Variants in DRC5 observed in about 807,000 individuals in gnomAD.
The protein encoded by DRC5 is dynein regulatory complex subunit 5, also known as T-complex-associated testis-expressed protein 1.
the DRC5 span, chr6:44,287,647 C>G: frequency 6.2e-7 from 1 of 1,614,100 alleles, no homozygotes; most frequent in Non-Finnish European, 8.5e-7. Context: ...CCGGCGCATC[C>G]GACGGATATT....
the DRC5 span, among the ~76,000 whole-genome samples, chr6:44,282,764 A>C: frequency 2.7e-5 from 4 of 149,584 alleles, no homozygotes; most frequent in African/African-American, 4.9e-5. Flanking sequence ...CAATTACTAC[A>C]TGCTGGGTAT....
chr6:44,279,428 C>T, the DRC5 span: 2 of 152,188 alleles, frequency 1.3e-5, no homozygotes. Flanking sequence ...ATAATAAAGT[C>T]GTGGATGACT....
the DRC5 span, chr6:44,280,178 A>G: frequency 9.3e-6 from 15 of 1,613,210 alleles, no homozygotes; most frequent in East Asian, 2.2e-5. Flanking sequence ...AAGTCAGGTC[A>G]TTTTATCCCA....
At chr6:44,288,719 C>A in the DRC5 span, among the ~76,000 whole-genome samples, 1 of 152,058 alleles carries the variant, frequency 6.6e-6, no homozygotes, top group Non-Finnish European at 1.5e-5. Flanking sequence ...CAAGGCTGGG[C>A]GTGGTGGCTC....
chr6:44,285,390 T>G, the DRC5 span, among the ~76,000 whole-genome samples: 1 of 152,234 alleles, frequency 6.6e-6, no homozygotes, highest in Non-Finnish European at 1.5e-5. Context: ...GCTGTTTATC[T>G]GAAATTCAAA....
chr6:44,286,237 G>T, the DRC5 span: 1 of 1,612,482 alleles, frequency 6.2e-7, no homozygotes, highest in Non-Finnish European at 8.5e-7. Context: ...GATCGACGTG[G>T]ACCCTGCGCA....
chr6:44,287,706 A>C, the DRC5 span: 1 of 1,614,162 alleles, frequency 6.2e-7, no homozygotes. Context: ...GTGTGATTGA[A>C]GGCTTTGAGA....
chr6:44,280,091 C>T, the DRC5 span: 1 of 1,196,226 alleles, frequency 8.4e-7, no homozygotes. Flanking sequence ...CCTCCCCGCT[C>T]CCTCTGAACC....
the DRC5 span, among the ~76,000 whole-genome samples, chr6:44,293,833 T>C: frequency 6.6e-6 from 1 of 152,320 alleles, no homozygotes; most frequent in South Asian, 2.1e-4. Context: ...TAAATGCATT[T>C]TCCCCCTAAA....
chr6:44,279,093 G>A, the DRC5 span: 2 of 152,306 alleles, frequency 1.3e-5, no homozygotes, highest in East Asian at 3.9e-4. Context: ...CTGCCCTTTG[G>A]GGACACAGTT....
the DRC5 span, chr6:44,286,389 C>G: frequency 6.2e-7 from 1 of 1,614,116 alleles, no homozygotes. Context: ...ACGTGGCACA[C>G]GGGCCAGCGA....
chr6:44,295,846 G>T, the DRC5 span, among the ~76,000 whole-genome samples: 2 of 152,104 alleles, frequency 1.3e-5, no homozygotes, highest in African/African-American at 2.4e-5. Context: ...CATCTATAAC[G>T]TGGGGACAGT....
At chr6:44,280,897 CA>C in the DRC5 span, among the ~76,000 whole-genome samples, 1 of 152,226 alleles carries the variant, frequency 6.6e-6, no homozygotes, top group African/African-American at 2.4e-5. Flanking sequence ...GCACTGAACC[CA>C]GGGGTTTACC....
chr6:44,279,521 T>A, the DRC5 span: 2 of 152,116 alleles, frequency 1.3e-5, no homozygotes, highest in African/African-American at 4.8e-5. Context: ...GATTGTGTCA[T>A]CCTTCCCTGG....
chr6:44,290,335 T>C, the DRC5 span, among the ~76,000 whole-genome samples: 1 of 152,288 alleles, frequency 6.6e-6, no homozygotes, highest in African/African-American at 2.4e-5. Flanking sequence ...TGGGCTGTAG[T>C]GGAGATCCCC....
the DRC5 span, among the ~76,000 whole-genome samples, chr6:44,295,492 A>G: frequency 1.8e-3 from 268 of 152,240 alleles, 2 homozygotes; most frequent in African/African-American, 6.0e-3. Flanking sequence ...CACAGGGAAC[A>G]ACGTCTATAC....
the DRC5 span, among the ~76,000 whole-genome samples, chr6:44,289,471 C>T: frequency 6.6e-6 from 1 of 152,104 alleles, no homozygotes; most frequent in African/African-American, 2.4e-5. Flanking sequence ...GCTCAATGGG[C>T]ACATTGAGCC....
At chr6:44,294,659 TATAAG>T in the DRC5 span, among the ~76,000 whole-genome samples, 1 of 148,664 alleles carries the variant, frequency 6.7e-6, no homozygotes, top group Admixed American at 6.8e-5. Flanking sequence ...AGAGGTGGTT[TATAAG>T]ATAATTAGGG....
chr6:44,287,890 A>G, the DRC5 span: 1 of 1,550,902 alleles, frequency 6.4e-7, no homozygotes, highest in Non-Finnish European at 8.7e-7. Context: ...AGCTTCTCAG[A>G]CTGGCAGGTC....
Sources: gnomAD v4.1 joint callset for allele counts (sites outside exome capture counted in the v4.1 genomes callset) on GRCh38, gnomAD v4.1.1 for gene constraint, MANE v1.5 for transcripts, NCBI Gene and HGNC (gene_info 2026-07-23, HGNC 2026-07-21) for gene names.